Variants in ANKRD17 observed in about 807,000 individuals in gnomAD.
ANKRD17 encodes the protein ankyrin repeat domain 17.
Under a neutral mutation model 229.7 loss-of-function variants are expected in ANKRD17, and 19 were observed. The observed-to-expected ratio is 0.08, with a 90% confidence interval of 0.06 to 0.12. The LOEUF is 0.12. ANKRD17 is among the 10% of genes least tolerant of loss of function. The probability of loss-of-function intolerance (pLI) is 1.00; values close to 1 mark genes in which losing one functional copy is unlikely to be tolerated. For missense variants in ANKRD17, 2,176 were observed against 3,176.8 expected, an observed-to-expected ratio of 0.68 and a Z score of 7.57; for synonymous variants, 1,112 against 1,146.1, an observed-to-expected ratio of 0.97 and a Z score of 0.60.
chr4:73,141,183 G>T (rs1266827953), intron 14 of ANKRD17, among the ~76,000 whole-genome samples: 35 of 152,166 alleles, frequency 2.3e-4, no homozygotes, highest in Admixed American at 2.3e-3. Flanking sequence ...AAACCGGTAG[G>T]TATAAAATGT....
At chr4:73,211,006 T>C (rs1740172189) in intron 1 of ANKRD17, among the ~76,000 whole-genome samples, 1 of 152,110 alleles carries the variant, frequency 6.6e-6, no homozygotes. Flanking sequence ...TTAGAGTATA[T>C]ACTCTAAACT....
chr4:73,257,839 G>C (rs1343443092), intron 1 of ANKRD17, among the ~76,000 whole-genome samples: 1 of 151,916 alleles, frequency 6.6e-6, no homozygotes. Context: ...TCACAACTGG[G>C]AGAAGTTGAT....
intron 1 of ANKRD17, among the ~76,000 whole-genome samples, chr4:73,214,390 T>C (rs953105163): frequency 1.3e-5 from 2 of 152,210 alleles, no homozygotes; most frequent in African/African-American, 2.4e-5. Flanking sequence ...AAAACAGCAG[T>C]TGTGCAAGTG....
intron 1 of ANKRD17, among the ~76,000 whole-genome samples, chr4:73,238,386 G>A (rs1264226353): frequency 6.6e-6 from 1 of 152,110 alleles, no homozygotes; most frequent in African/African-American, 2.4e-5. Context: ...TACTGTAAGA[G>A]GTAATCTACA....
chr4:73,189,791 ACTTG>A (rs1183983853), intron 1 of ANKRD17, among the ~76,000 whole-genome samples: 1 of 152,160 alleles, frequency 6.6e-6, no homozygotes, highest in Non-Finnish European at 1.5e-5. Flanking sequence ...GTTCTTGGAT[ACTTG>A]CTTATTATTT....
At chr4:73,142,133 G>T in intron 13 of ANKRD17, 109 bp downstream of exon 13, 2 of 1,134,058 alleles carry the variant, frequency 1.8e-6, no homozygotes, top group East Asian at 2.8e-5. Context: ...TTTACAAACA[G>T]AACTACATAT....
chr4:73,218,384 C>T (rs1358419803), intron 1 of ANKRD17, among the ~76,000 whole-genome samples: 1 of 152,034 alleles, frequency 6.6e-6, no homozygotes, highest in Non-Finnish European at 1.5e-5. Context: ...GTGGCTCAAG[C>T]CATTACTGAG....
chr4:73,079,129 A>C (rs1231862731), intron 30 of ANKRD17, among the ~76,000 whole-genome samples: 2 of 152,226 alleles, frequency 1.3e-5, no homozygotes, highest in Non-Finnish European at 2.9e-5. Context: ...CATTAAATTA[A>C]ATAATATTCA....
intron 2 of ANKRD17, among the ~76,000 whole-genome samples, chr4:73,165,018 T>A (rs541799947): frequency 6.6e-6 from 1 of 152,160 alleles, no homozygotes; most frequent in East Asian, 1.9e-4. Context: ...TCTCAGAACT[T>A]ACTCAGAGGG....
rs377465425 is a variant in ANKRD17, at chr4:73,181,478, C to T, written c.394-3945G>A. On this transcript the variant is annotated intron_variant, in intron 1 of 33. Coordinates refer to ENST00000358602, the MANE Select transcript of ANKRD17 (RefSeq NM_032217.5). ...TCTTTTTCCAACTAGAAAGAGCTCGCGTTACATTACAAAACAAGTGAAGAG... is the reference window on the plus strand; with the variant it reads ...TCTTTTTCCAACTAGAAAGAGCTCGTGTTACATTACAAAACAAGTGAAGAG... Among the ~76,000 whole-genome samples the T allele has an allele frequency of 5.9e-5, 9 of 152,170 alleles. No individual in the cohort carries two copies. The South Asian group carries it at 1.2e-3, about 21-fold the overall frequency.
intron 1 of ANKRD17, among the ~76,000 whole-genome samples, chr4:73,221,139 C>T (rs1380086175): frequency 1.3e-5 from 2 of 151,744 alleles, no homozygotes; most frequent in Non-Finnish European, 2.9e-5. Flanking sequence ...ATATTTAAGT[C>T]AAATGATATT....
At chr4:73,226,794 A>G (rs761995742) in intron 1 of ANKRD17, among the ~76,000 whole-genome samples, 3 of 151,872 alleles carry the variant, frequency 2.0e-5, no homozygotes. Flanking sequence ...GCTAACTTGC[A>G]ACCTCCACCT....
chr4:73,235,195 G>A (rs768161077), intron 1 of ANKRD17, among the ~76,000 whole-genome samples: 4 of 152,146 alleles, frequency 2.6e-5, no homozygotes, highest in South Asian at 4.1e-4. Context: ...GCTTTGGGTA[G>A]AGGTGAGCCT....
At chr4:73,139,431 A>G in intron 15 of ANKRD17, 100 bp downstream of exon 15, 1 of 1,400,670 alleles carries the variant, frequency 7.1e-7, no homozygotes, top group South Asian at 1.4e-5. Context: ...GTCAGTCCAA[A>G]AATAGTTCTC....
At chr4:73,114,640 C>A (rs1725717787) in intron 23 of ANKRD17, among the ~76,000 whole-genome samples, 1 of 152,032 alleles carries the variant, frequency 6.6e-6, no homozygotes. Flanking sequence ...CTGAACCAGT[C>A]TTATTCTTAG....
At chr4:73,192,546 A>G (rs1456443349) in intron 1 of ANKRD17, among the ~76,000 whole-genome samples, 1 of 152,018 alleles carries the variant, frequency 6.6e-6, no homozygotes, top group East Asian at 1.9e-4. Context: ...ACCCTTCTAT[A>G]TTGCTTACCT....
In ANKRD17 at chr4:73,094,068, CAA is replaced by C; in HGVS notation, c.5327+9_5327+10del. On this transcript the variant is annotated intron_variant, in intron 28 of 33. Transcript: ENST00000358602. ...AAATAAAGGAAGAAAATGTAAGAGA[CAA>C]AGTTTTGCCTTATAGTGATTATCCG... 6.2e-7 allele frequency: 1 copy of C among 1,611,790 alleles called. No homozygotes were observed. The highest frequency in any genetic ancestry group is 8.5e-7 in the Non-Finnish European group (1 of 1,178,632).
chr4:73,214,263 GATTA>G (rs1010825070), intron 1 of ANKRD17, among the ~76,000 whole-genome samples: 24 of 152,258 alleles, frequency 1.6e-4, no homozygotes, highest in Non-Finnish European at 3.5e-4. Flanking sequence ...GGTACTATGT[GATTA>G]ATTAATAAAT....
intron 30 of ANKRD17, among the ~76,000 whole-genome samples, chr4:73,079,537 G>A (rs916547612): frequency 9.2e-5 from 14 of 151,894 alleles, no homozygotes; most frequent in African/African-American, 3.4e-4. Flanking sequence ...GGACTACTGG[G>A]ATGAGCCATC....
Sources: allele counts gnomAD v4.1 joint callset (sites outside exome capture counted in the v4.1 genomes callset), GRCh38; gene constraint gnomAD v4.1.1; transcripts MANE v1.5; gene names NCBI Gene and HGNC (gene_info 2026-07-23, HGNC 2026-07-21).